Variants in TRIOBP observed in about 807,000 individuals in gnomAD.
The protein encoded by TRIOBP is TRIO and F-actin binding protein.
In TRIOBP, 169 loss-of-function variants were observed where a neutral mutation model predicts 238.8. That is an observed-to-expected ratio of 0.71 (90% CI 0.62 to 0.80). The LOEUF is 0.80. Ranked by LOEUF, TRIOBP falls within the 30% of genes least tolerant of loss-of-function variation. TRIOBP has a pLI of 0.00. For missense variants in TRIOBP, 2,838 were observed against 3,122.6 expected (o/e 0.91, Z 2.17); for synonymous variants, 1,150 against 1,274.4 (o/e 0.90, Z 2.08).
At position 37,768,218 on chromosome 22, in the gene TRIOBP, T is replaced by C. The variant is rs1419804268; in HGVS notation, c.6575+42T>C. On this transcript the variant is annotated intron_variant, in intron 19 of 23. Coordinates refer to ENST00000644935, the MANE Select transcript of TRIOBP (RefSeq NM_001039141.3). Reference sequence around the variant, plus strand: ...GCCCAACTGCCCACCCTGATGGTTATGGGTTGAGGAACTTTGCTGAGGCCC... The same window carrying C: ...GCCCAACTGCCCACCCTGATGGTTACGGGTTGAGGAACTTTGCTGAGGCCC... The C allele has an allele frequency of 4.5e-6, 7 of 1,542,046 alleles. No individual in the cohort carries two copies. The East Asian group carries it at 6.9e-5, about 15-fold the overall frequency.
At chr22:37,746,282 G>T in intron 11 of TRIOBP, 1 of 1,087,912 alleles carries the variant, frequency 9.2e-7, no homozygotes, top group Non-Finnish European at 1.1e-6. Flanking sequence ...GAAAGGAAGG[G>T]CCGGAGGCGC....
intron 5 of TRIOBP, among the ~76,000 whole-genome samples, chr22:37,715,486 G>A (rs780929179): frequency 6.6e-6 from 1 of 151,972 alleles, no homozygotes; most frequent in African/African-American, 2.4e-5. Context: ...GGGACTACAG[G>A]TGCCCGCCAC....
chr22:37,708,976 G>GT (rs1223388430), intron 3 of TRIOBP, among the ~76,000 whole-genome samples: 2 of 152,164 alleles, frequency 1.3e-5, no homozygotes, highest in Non-Finnish European at 2.9e-5. Context: ...GAGACCCCTG[G>GT]TTGATGCCTG....
chr22:37,735,212 T>C lies in TRIOBP; in HGVS notation c.4876T>C (p.Ser1626Pro), dbSNP rs1156871545. ...CACAAACGATGTCCCTGAGCAGGAG[T>C]CACACAGCCAGCCAGAAGGCTGGGC... is the stretch of plus-strand genomic sequence containing the variant. ...PGTNDVPEQE[S>P]HSQPEGWAEA... Residue 1626 changes from serine to proline, a missense_variant, in exon 9 of 24, where the codon TCA becomes CCA. Coordinates refer to ENST00000644935, the MANE Select transcript of TRIOBP (RefSeq NM_001039141.3). 1 of 1,606,614 alleles carries C rather than the reference T, an allele frequency of 6.2e-7. No individual in the cohort carries two copies. Among genetic ancestry groups the C allele is most frequent in the South Asian group, 1.1e-5 (1 of 90,886 alleles).
At position 37,733,342 on chromosome 22, in the gene TRIOBP, G is replaced by T. The variant is rs770531721; in HGVS notation, c.3992G>T (p.Arg1331Leu). The T allele has an allele frequency of 1.3e-6, 2 of 1,551,434 alleles. No homozygotes were observed. The highest frequency in any genetic ancestry group is 1.7e-6 in the Non-Finnish European group (2 of 1,147,396). The change falls in exon 8 of 24, where the codon CGG (arginine) becomes CTG (leucine). Residue 1331 changes from arginine to leucine, a missense_variant. Physicochemically the swap from Arg to Leu is moderately radical, Grantham distance 102. Transcript: ENST00000644935. ...GCCTTCCAGGCCCAGGACGAGGGACGGTCACAGCAGCCCAGCCAAGGCCAG... is the reference window on the plus strand; with the variant it reads ...GCCTTCCAGGCCCAGGACGAGGGACTGTCACAGCAGCCCAGCCAAGGCCAG... The part of the protein sequence containing the change: ...AGAFQAQDEG[R>L]SQQPSQGQSQ...
At chr22:37,767,992 C>T in intron 18 of TRIOBP, 82 bp from the exon 19 acceptor site, 1 of 1,031,268 alleles carries the variant, frequency 9.7e-7, no homozygotes, top group Non-Finnish European at 1.5e-6. Flanking sequence ...TCCACCAGTA[C>T]ATGTGGCGTC....
At chr22:37,748,588 A>T (rs1925407161) in intron 11 of TRIOBP, among the ~76,000 whole-genome samples, 2 of 148,128 alleles carry the variant, frequency 1.4e-5, no homozygotes, top group African/African-American at 2.5e-5. Flanking sequence ...TTAAAAAAAA[A>T]TTTTTTTTTC....
intron 4 of TRIOBP, among the ~76,000 whole-genome samples, chr22:37,712,545 G>A (rs1923306659): frequency 6.6e-6 from 1 of 151,920 alleles, no homozygotes; most frequent in Admixed American, 6.6e-5. Flanking sequence ...ATGTTGGACA[G>A]GCTAGTCTCG....
Position 37,755,472 on chromosome 22 carries a change from A to G in TRIOBP, c.5578-78A>G. On this transcript the variant is annotated intron_variant, in intron 14 of 23. Coordinates refer to ENST00000644935, the MANE Select transcript of TRIOBP (RefSeq NM_001039141.3). ...AGATGCATCCTGGGAAGGAAGGGCCACCCTCCCTGGGGTCCATAGTGGGGA... is the reference window on the plus strand; with the variant it reads ...AGATGCATCCTGGGAAGGAAGGGCCGCCCTCCCTGGGGTCCATAGTGGGGA... 4 of 1,341,552 alleles carry G rather than the reference A, an allele frequency of 3.0e-6. No homozygotes were observed. In the Admixed American group the frequency reaches 7.1e-5, roughly 24 times the overall value. 83.1% of individuals were successfully genotyped at this position (1,341,552 alleles called of 1,614,324 possible).
Position 37,769,329 on chromosome 22 carries a change from G to T in TRIOBP, c.6803G>T (p.Gly2268Val). 6.2e-7 allele frequency: 1 copy of T among 1,611,438 alleles called. No individual in the cohort carries two copies. Among genetic ancestry groups the T allele is most frequent in the South Asian group, 1.1e-5 (1 of 90,792 alleles). ...GGCTTCATTGCCTCGCAGGGCATGGGCAATGGCTGCGGGCGCAGCAACGAG... is the reference window on the plus strand; with the variant it reads ...GGCTTCATTGCCTCGCAGGGCATGGTCAATGGCTGCGGGCGCAGCAACGAG... ...LRGFIASQGM[G>V]NGCGRSNERS... is the part of the protein sequence containing the mutation. Residue 2268 changes from glycine to valine, a missense_variant, in exon 21 of 24, where the codon GGC becomes GTC. By Grantham distance (109) the Gly-to-Val change is moderately radical (BLOSUM62 -3). This residue lies in a region of TRIOBP where 2,096 missense variants were observed against 2,137.4 expected (regional missense o/e 0.98). Coordinates refer to ENST00000644935, the MANE Select transcript of TRIOBP (RefSeq NM_001039141.3).
Position 37,775,240 on chromosome 22 carries a change from C to G in TRIOBP, c.*1460C>G, listed in dbSNP as rs973171477. 2.0e-5 allele frequency: 3 copies of G among 152,196 alleles called. No homozygotes were observed. Among genetic ancestry groups the G allele is most frequent in the Admixed American group, 6.5e-5 (1 of 15,286 alleles). 9.4% of individuals were successfully genotyped at this position (152,196 alleles called of 1,614,324 possible). ...AGGCAGCTTTGAAAGATGACTCTTC[C>G]AGATGGAAGAATCAGGAAGGGCCTT... On this transcript the variant is annotated 3_prime_UTR_variant, in exon 24 of 24. Coordinates refer to ENST00000644935, the MANE Select transcript of TRIOBP (RefSeq NM_001039141.3).
At chr22:37,715,316 G>A (rs887484117) in intron 5 of TRIOBP, among the ~76,000 whole-genome samples, 10 of 151,732 alleles carry the variant, frequency 6.6e-5, no homozygotes, top group African/African-American at 2.4e-4. Context: ...CGCCCTGCAG[G>A]GAAGTGCTTT....
intron 5 of TRIOBP, 110 bp downstream of exon 5, chr22:37,713,521 C>T (rs1048986031): frequency 2.0e-5 from 27 of 1,363,516 alleles, no homozygotes; most frequent in African/African-American, 5.7e-5. Context: ...CCAGGGAATC[C>T]GACGAGGTCC....
At position 37,735,109 on chromosome 22, in the gene TRIOBP, C is replaced by T. The variant is rs876657594; in HGVS notation, c.4773C>T (p.Ala1591=). Residue 1591 remains alanine, a synonymous_variant, in exon 9 of 24, where the codon GCC becomes GCT. Transcript: ENST00000644935. ...DWEGLLELLQ[A]RLPRKDPAGH... The stretch of plus-strand genomic sequence containing the variant: ...AGGGCCTCTTGGAGCTCCTGCAGGC[C>T]AGGCTGCCCCGCAAGGACCCAGCTG... 8 of 1,608,010 alleles carry T rather than the reference C, an allele frequency of 5.0e-6. No homozygotes were observed. Among genetic ancestry groups the T allele is most frequent in the Non-Finnish European group, 6.8e-6 (8 of 1,176,082 alleles).
At chr22:37,752,613 C>T (rs867323558) in intron 12 of TRIOBP, among the ~76,000 whole-genome samples, 1 of 152,186 alleles carries the variant, frequency 6.6e-6, no homozygotes, top group Non-Finnish European at 1.5e-5. Context: ...ATTGTGTTTC[C>T]GGCCCACATG....
intron 12 of TRIOBP, 84 bp downstream of exon 12, chr22:37,751,912 G>T: frequency 7.0e-7 from 1 of 1,437,568 alleles, no homozygotes; most frequent in Non-Finnish European, 9.7e-7. Flanking sequence ...GGGTGGGGCT[G>T]GGGCTGGTGT....
chr22:37,722,688 C>T (rs1048177894), intron 6 of TRIOBP, among the ~76,000 whole-genome samples: 2 of 151,824 alleles, frequency 1.3e-5, no homozygotes, highest in Non-Finnish European at 2.9e-5. Context: ...GATCACGCCA[C>T]TGCACTCCAG....
intron 9 of TRIOBP, among the ~76,000 whole-genome samples, chr22:37,735,946 C>T (rs1924649741): frequency 6.6e-6 from 1 of 152,232 alleles, no homozygotes; most frequent in South Asian, 2.1e-4. Flanking sequence ...TGCCCCTTCC[C>T]CTGGTGGTAC....
At chr22:37,708,779 G>A (rs2145817514) in intron 3 of TRIOBP, among the ~76,000 whole-genome samples, 1 of 152,352 alleles carries the variant, frequency 6.6e-6, no homozygotes, top group African/African-American at 2.4e-5. Context: ...AACCGGAGGA[G>A]CCAGGATGGG....
Sources: allele counts gnomAD v4.1 joint callset (sites outside exome capture counted in the v4.1 genomes callset), GRCh38; gene constraint gnomAD v4.1.1; regional missense constraint gnomAD v4.1.1; transcripts MANE v1.5; gene names NCBI Gene and HGNC (gene_info 2026-07-23, HGNC 2026-07-21).